Variants in TSNAXIP1 observed in about 807,000 individuals in gnomAD.
TSNAXIP1 encodes translin-associated factor X-interacting protein 1.
TSNAXIP1 carries 89 observed loss-of-function variants against 84.8 expected under a neutral mutation model. That is an observed-to-expected ratio of 1.05 (90% CI 0.88 to 1.25). TSNAXIP1 has a LOEUF of 1.25. TSNAXIP1 is among the 50% of genes most tolerant of loss of function. The probability of loss-of-function intolerance (pLI) is 0.00; values close to 1 mark genes in which losing one functional copy is unlikely to be tolerated. For synonymous variants in TSNAXIP1, 347 were observed against 335.2 expected, an observed-to-expected ratio of 1.04 and a Z score of -0.39; for missense variants, 874 against 887.6, an observed-to-expected ratio of 0.98 and a Z score of 0.20.
chr16:67,817,864 C>A (rs1567752060), intron 2 of TSNAXIP1, among the ~76,000 whole-genome samples: 1 of 150,888 alleles, frequency 6.6e-6, no homozygotes, highest in Non-Finnish European at 1.5e-5. Context: ...CCAGCCTGGG[C>A]AACAGAGTGA....
intron 6 of TSNAXIP1, 74 bp downstream of exon 6, chr16:67,824,853 C>T (rs912649452): frequency 6.8e-7 from 1 of 1,474,872 alleles, no homozygotes. Flanking sequence ...GACCCCCTAC[C>T]CTGCTCTGCC....
chr16:67,807,219 G>A, intron 1 of TSNAXIP1, 23 bp downstream of exon 1: 1 of 1,536,016 alleles, frequency 6.5e-7, no homozygotes, highest in East Asian at 2.4e-5. Context: ...AGGGATGAGG[G>A]CAGAGATGAG....
At chr16:67,812,624 C>G (rs2056190843) in intron 1 of TSNAXIP1, among the ~76,000 whole-genome samples, 1 of 150,552 alleles carries the variant, frequency 6.6e-6, no homozygotes, top group African/African-American at 2.5e-5. Context: ...CGAGATCATG[C>G]CATTGCACTC....
At chr16:67,820,631 A>G (rs28367503) in intron 2 of TSNAXIP1, among the ~76,000 whole-genome samples, 20,865 of 151,892 alleles carry the variant, frequency 0.14, 2,935 homozygotes, top group African/African-American at 0.36. Flanking sequence ...TGTAATCTCA[A>G]CTATTCGGGA....
Position 67,824,691 on chromosome 16 carries a change from A to C in TSNAXIP1, c.590A>C (p.Tyr197Ser). Residue 197 changes from tyrosine (Y) to serine (S), a missense_variant, in exon 6 of 16, where the codon TAT (tyrosine) becomes TCT (serine). Coordinates refer to ENST00000561639, the MANE Select transcript of TSNAXIP1 (RefSeq NM_001288990.3). ...CTGGCCATGAGAGCTGAGGAGAAATATGAAATCTCCCTGCTCAAGAAAGAG... is the reference window on the plus strand; with the variant it reads ...CTGGCCATGAGAGCTGAGGAGAAATCTGAAATCTCCCTGCTCAAGAAAGAG... ...RILAMRAEEK[Y>S]EISLLKKEKM... 6.2e-7 allele frequency: 1 copy of C among 1,614,208 alleles called. No homozygotes were observed. The highest frequency in any genetic ancestry group is 8.5e-7 in the Non-Finnish European group (1 of 1,180,028).
intron 2 of TSNAXIP1, among the ~76,000 whole-genome samples, chr16:67,816,343 T>C (rs932040980): frequency 6.6e-6 from 1 of 152,132 alleles, no homozygotes; most frequent in Non-Finnish European, 1.5e-5. Context: ...CAAATAGCCA[T>C]TGTCCAAATC....
In TSNAXIP1 at chr16:67,813,601, C is replaced by T. The variant is rs547634142; in HGVS notation, c.48-701C>T. Among the ~76,000 whole-genome samples, 11 of 151,576 alleles carry T rather than the reference C, an allele frequency of 7.3e-5. No individual in the cohort carries two copies. The South Asian group carries it at 2.3e-3, about 32-fold the overall frequency. On this transcript the variant is annotated intron_variant, in intron 1 of 15. Transcript: ENST00000561639. ...TACAAAAATTATCCATGCGTGGTGG[C>T]AGGTGCCTGTAATCCCAGCTACTCG...
intron 7 of TSNAXIP1, 21 bp downstream of exon 7, chr16:67,825,293 G>C (rs768340220): frequency 3.7e-6 from 6 of 1,613,098 alleles, no homozygotes; most frequent in African/African-American, 2.7e-5. Flanking sequence ...ATTGGGAATC[G>C]GGTTTCTCTC....
chr16:67,827,836 A>G lies in TSNAXIP1; in HGVS notation c.1982A>G (p.Tyr661Cys). 6.2e-7 allele frequency: 1 copy of G among 1,614,164 alleles called. No individual in the cohort carries two copies. The highest frequency in any genetic ancestry group is 2.2e-5 in the East Asian group (1 of 44,870). ...CTGGACAAGCAGACAGTGAACACCT[A>G]CATGAGCCAGGCCTTCCAGCTCCCT... ...PSLDKQTVNT[Y>C]MSQAFQLPES... The change falls in exon 16 of 16, where the codon TAC (tyrosine) becomes TGC (cysteine). Residue 661 changes from tyrosine (Y) to cysteine (C), a missense_variant. Coordinates refer to ENST00000561639, the MANE Select transcript of TSNAXIP1 (RefSeq NM_001288990.3).
Position 67,827,739 on chromosome 16 carries a change from T to G in TSNAXIP1, c.1899-14T>G. The G allele has an allele frequency of 6.2e-7, 1 of 1,613,688 alleles. No homozygotes were observed. The highest frequency in any genetic ancestry group is 8.5e-7 in the Non-Finnish European group (1 of 1,179,986). ...GAGGGGTCAGGGCCTGTCACTCTCT[T>G]TCCTGTGGGGCAGCCATGAGGAAGT... On this transcript the variant is annotated splice_polypyrimidine_tract_variant and intron_variant, in intron 15 of 15. Coordinates refer to ENST00000561639, the MANE Select transcript of TSNAXIP1 (RefSeq NM_001288990.3).
chr16:67,827,309 G>A lies in TSNAXIP1; in HGVS notation c.1725G>A (p.Glu575=). The A allele has an allele frequency of 6.2e-7, 1 of 1,614,246 alleles. No individual in the cohort carries two copies. The highest frequency in any genetic ancestry group is 8.5e-7 in the Non-Finnish European group (1 of 1,180,048). Residue 575 remains glutamate, a synonymous_variant, in exon 14 of 16, where the codon GAG becomes GAA. Transcript: ENST00000561639. The part of the protein sequence containing the change: ...KTEEQIQELM[E]AGGWHPSSSN... Reference sequence around the variant, plus strand: ...AAGAGCAAATCCAGGAGCTGATGGAGGCAGGGGGCTGGCATCCCAGCAGCA... The same window carrying A: ...AAGAGCAAATCCAGGAGCTGATGGAAGCAGGGGGCTGGCATCCCAGCAGCA...
intron 5 of TSNAXIP1, 35 bp downstream of exon 5, chr16:67,823,754 A>G: frequency 1.3e-6 from 2 of 1,579,404 alleles, no homozygotes; most frequent in Non-Finnish European, 1.7e-6. Flanking sequence ...GTAGTGGCTC[A>G]CGCCTGTAAT....
chr16:67,821,892 G>A (rs1320586829), intron 4 of TSNAXIP1, among the ~76,000 whole-genome samples: 1 of 152,134 alleles, frequency 6.6e-6, no homozygotes, highest in Non-Finnish European at 1.5e-5. Context: ...GGCTGAGGCA[G>A]GAGAATTGCT....
Position 67,825,250 on chromosome 16 carries a change from C to T in TSNAXIP1, c.792C>T (p.Asp264=). The change falls in exon 7 of 16, where the codon GAC becomes GAT. Residue 264 remains aspartate (D), a synonymous_variant. Transcript: ENST00000561639. ...ATGAGCTGCGGTACCAGCGGGAGGACATGTCATTAGCCCAGTCGCCAGGTA... is the reference window on the plus strand; with the variant it reads ...ATGAGCTGCGGTACCAGCGGGAGGATATGTCATTAGCCCAGTCGCCAGGTA... ...DLNELRYQRE[D]MSLAQSPGIW... is the part of the protein sequence containing the mutation. 1 of 1,614,160 alleles carries T rather than the reference C, an allele frequency of 6.2e-7. No individual in the cohort carries two copies. Among genetic ancestry groups the T allele is most frequent in the Non-Finnish European group, 8.5e-7 (1 of 1,180,016 alleles).
intron 2 of TSNAXIP1, 138 bp downstream of exon 2, chr16:67,814,539 TAG>T: frequency 1.3e-6 from 1 of 741,434 alleles, no homozygotes; most frequent in Non-Finnish European, 2.3e-6. Flanking sequence ...TCTTCTCAGT[TAG>T]AGAGTGTGGC....
intron 2 of TSNAXIP1, among the ~76,000 whole-genome samples, chr16:67,815,382 C>T (rs1276544748): frequency 2.0e-5 from 3 of 149,702 alleles, no homozygotes; most frequent in Non-Finnish European, 3.0e-5. Context: ...TGTCAGGGTG[C>T]AGTGGTGCAG....
intron 4 of TSNAXIP1, among the ~76,000 whole-genome samples, chr16:67,821,556 G>T (rs1169449572): frequency 6.6e-6 from 1 of 151,646 alleles, no homozygotes; most frequent in Non-Finnish European, 1.5e-5. Flanking sequence ...CAACCTGGGC[G>T]ACAAGAGTGA....
At position 67,825,989 on chromosome 16, in the gene TSNAXIP1, A is replaced by T. The variant is rs752949169; in HGVS notation, c.1057A>T (p.Thr353Ser). ...GATCCTCATGCAGCTGCACATGAGC[A>T]CGCTGAAGGAACGGGACCAATTCTT... is the stretch of plus-strand genomic sequence containing the variant. ...HEILMQLHMS[T>S]LKERDQFFSE... is the part of the protein sequence containing the mutation. Residue 353 changes from threonine to serine, a missense_variant, in exon 9 of 16, where the codon ACG (threonine) becomes TCG (serine). By Grantham distance (58) the Thr-to-Ser change is moderately conservative. Transcript: ENST00000561639. 4.3e-6 allele frequency: 7 copies of T among 1,614,098 alleles called. No individual in the cohort carries two copies. In the Admixed American group the frequency reaches 1.2e-4, roughly 27 times the overall value.
Position 67,823,731 on chromosome 16 carries a change from C to T in TSNAXIP1, c.481+12C>T. 2 of 1,600,784 alleles carry T rather than the reference C, an allele frequency of 1.2e-6. No homozygotes were observed. The highest frequency in any genetic ancestry group is 2.3e-5 in the East Asian group (1 of 44,146). ...TGAGGGGATGCTGGGTAAGAATGCA[C>T]CTCCTGCCAGGCGTAGTGGCTCACG... is the stretch of plus-strand genomic sequence containing the variant. On this transcript the variant is annotated intron_variant, in intron 5 of 15. Transcript: ENST00000561639.
Sources: gnomAD v4.1 joint callset for allele counts (sites outside exome capture counted in the v4.1 genomes callset) on GRCh38, gnomAD v4.1.1 for gene constraint, MANE v1.5 for transcripts, NCBI Gene and HGNC (gene_info 2026-07-23, HGNC 2026-07-21) for gene names.